Variants in CD99 observed in about 807,000 individuals in gnomAD.
CD99 encodes the protein CD99 antigen.
A neutral mutation model predicts 28.4 loss-of-function variants in CD99; 19 were observed. The ratio of observed to expected loss-of-function variants is 0.67; its 90% CI spans 0.47 to 0.98. The LOEUF (loss-of-function observed/expected upper bound fraction) is 0.98, where lower values mean the gene tolerates loss of function less well. Among genes scored for constraint, CD99 ranks in the 50% least tolerant of loss-of-function variants. The pLI is 0.00. For missense variants in CD99, 283 were observed against 248.8 expected, an observed-to-expected ratio of 1.14 and a Z score of -0.92; for synonymous variants, 103 against 92.1, an observed-to-expected ratio of 1.12 and a Z score of -0.67.
At chrX:2,721,859 C>G (rs2049007244) in intron 5 of CD99, among the ~76,000 whole-genome samples, 1 of 152,132 alleles carries the variant, frequency 6.6e-6, no homozygotes, top group Admixed American at 6.6e-5. Flanking sequence ...CAAAGCAAAT[C>G]TGAGTCAACT....
intron 1 of CD99, chrX:2,691,722 G>C (rs1174689139): frequency 8.4e-6 from 6 of 712,394 alleles, no homozygotes; most frequent in Non-Finnish European, 1.0e-5. Flanking sequence ...CCAATCTAGG[G>C]GACCTTCTTA....
Position 2,741,014 on chromosome X carries a change from C to G in CD99, c.*210C>G, listed in dbSNP as rs2050165111. ...TTTTACATCCAAAGGGGGATAGGCA[C>G]TTGGACCCCCATTCTCCAAGGCCCG... is the stretch of plus-strand genomic sequence containing the variant. On this transcript the variant is annotated 3_prime_UTR_variant, in exon 10 of 10. Transcript: ENST00000381192. The G allele has an allele frequency of 1.6e-6, 1 of 621,126 alleles. No individual in the cohort carries two copies. The highest frequency in any genetic ancestry group is 2.9e-6 in the Non-Finnish European group (1 of 347,012). 38.5% of individuals were successfully genotyped at this position (621,126 alleles called of 1,614,324 possible). A position where few individuals can be genotyped will look rare whatever the true frequency, so the allele number is the denominator to read the frequency against.
chrX:2,707,882 G>A (rs1312489770), intron 1 of CD99, among the ~76,000 whole-genome samples: 1 of 152,124 alleles, frequency 6.6e-6, no homozygotes, highest in Admixed American at 6.5e-5. Context: ...GGCAAGTGGG[G>A]GTGTCTGCTG....
chrX:2,730,217 G>A (rs1263792066), intron 8 of CD99, among the ~76,000 whole-genome samples: 1 of 151,208 alleles, frequency 6.6e-6, no homozygotes, highest in African/African-American at 2.4e-5. Flanking sequence ...CTGTCACCCA[G>A]GCTGGAGTGC....
At chrX:2,711,202 C>T (rs1448776589) in intron 1 of CD99, among the ~76,000 whole-genome samples, 2 of 147,900 alleles carry the variant, frequency 1.4e-5, no homozygotes, top group Non-Finnish European at 3.0e-5. Flanking sequence ...TCAGGGTATT[C>T]CCAGCAAGTC....
chrX:2,695,726 C>A (rs769966856), intron 1 of CD99, among the ~76,000 whole-genome samples: 1 of 151,838 alleles, frequency 6.6e-6, no homozygotes, highest in East Asian at 1.9e-4. Flanking sequence ...CTGTGTCTCC[C>A]GGGCTCAGGC....
chrX:2,727,131 C>G (rs147379091), intron 8 of CD99, among the ~76,000 whole-genome samples: 1 of 152,044 alleles, frequency 6.6e-6, no homozygotes, highest in Non-Finnish European at 1.5e-5. Context: ...AGTGAGACTC[C>G]GTCTCAAAAA....
intron 1 of CD99, among the ~76,000 whole-genome samples, chrX:2,700,996 T>C (rs912376627): frequency 3.5e-5 from 5 of 143,654 alleles, no homozygotes; most frequent in African/African-American, 1.0e-4. Context: ...TACCCATCCA[T>C]CCACTTATCC....
intron 7 of CD99, 22 bp downstream of exon 7, chrX:2,723,386 C>A (rs1187521500): frequency 4.3e-6 from 7 of 1,613,324 alleles, no homozygotes; most frequent in South Asian, 1.1e-5. Flanking sequence ...TGGCTTCTGT[C>A]TTCTTGTCTC....
intron 1 of CD99, among the ~76,000 whole-genome samples, chrX:2,703,625 TGTGTGTG>T (rs2047982739): frequency 1.4e-5 from 2 of 147,886 alleles, no homozygotes; most frequent in African/African-American, 5.2e-5. Context: ...TGTGTGTGTG[TGTGTGTG>T]TGTGTGTGTG....
intron 8 of CD99, chrX:2,733,189 A>G: frequency 4.8e-6 from 1 of 209,428 alleles, no homozygotes; most frequent in Non-Finnish European, 8.2e-6. Context: ...TTTGGTTTCC[A>G]CTTCCCACTC....
rs2049280464 is a variant in CD99, at chrX:2,726,322, A to G, written c.424A>G (p.Ile142Val). The G allele has an allele frequency of 6.2e-7, 1 of 1,612,216 alleles. No homozygotes were observed. Among genetic ancestry groups the G allele is most frequent in the East Asian group, 2.2e-5 (1 of 44,878 alleles). ...GAVVVAVAGA[I>V]SSFIAYQKKK... ...TGTCGTGGTCGCCGTGGCTGGAGCC[A>G]TCTCTAGCTTCATTGCTTACCAGAA... The change falls in exon 8 of 10, where the codon ATC becomes GTC. Residue 142 changes from isoleucine (I) to valine (V), a missense_variant. By Grantham distance (29) the Ile-to-Val change is conservative. Transcript: ENST00000381192.
chrX:2,713,609 G>A (rs897830664), intron 1 of CD99, among the ~76,000 whole-genome samples: 4 of 152,188 alleles, frequency 2.6e-5, no homozygotes, highest in Non-Finnish European at 4.4e-5. Context: ...TAGCCTGGTC[G>A]TTTGCACCTG....
intron 1 of CD99, among the ~76,000 whole-genome samples, chrX:2,697,360 A>C (rs1445328015): frequency 6.6e-6 from 1 of 152,190 alleles, no homozygotes; most frequent in Admixed American, 6.5e-5. Flanking sequence ...CTGTTGCTCC[A>C]AAGCGCTGTT....
At chrX:2,726,582 A>G in intron 8 of CD99, 2 of 673,670 alleles carry the variant, frequency 3.0e-6, no homozygotes, top group Non-Finnish European at 5.5e-6. Flanking sequence ...GAAAGTTTAC[A>G]AGTTCCCCAC....
Position 2,719,661 on chromosome X carries a change from G to T in CD99, c.149G>T (p.Gly50Val). Residue 50 changes from glycine to valine, a missense_variant and splice_region_variant, in exon 4 of 10, where the codon GGG becomes GTG. Coordinates refer to ENST00000381192, the MANE Select transcript of CD99 (RefSeq NM_002414.5). ...TTAACTGCTCTTTCCCCTCTTTTAGGGGATGACTTTGACTTAGGAGATGCT... is the reference window on the plus strand; with the variant it reads ...TTAACTGCTCTTTCCCCTCTTTTAGTGGATGACTTTGACTTAGGAGATGCT... ...PTAIPKKPSA[G>V]DDFDLGDAVV... 6.2e-7 allele frequency: 1 copy of T among 1,613,738 alleles called. No homozygotes were observed. Among genetic ancestry groups the T allele is most frequent in the Non-Finnish European group, 8.5e-7 (1 of 1,179,752 alleles).
chrX:2,701,734 G>A lies in CD99; in HGVS notation c.67+10307G>A, dbSNP rs562051320. ...AGATTTAAGCTCCCCTGAAGGGTTT[G>A]ACGCAGACAGCTGTGCGGGGACGCT... On this transcript the variant is annotated intron_variant, in intron 1 of 9. Coordinates refer to ENST00000381192, the MANE Select transcript of CD99 (RefSeq NM_002414.5). Among the ~76,000 whole-genome samples the A allele has an allele frequency of 5.3e-5, 8 of 152,368 alleles. No individual in the cohort carries two copies. In the South Asian group the frequency reaches 1.7e-3, roughly 32 times the overall value.
chrX:2,702,513 G>C (rs1198931871), intron 1 of CD99, among the ~76,000 whole-genome samples: 4 of 152,186 alleles, frequency 2.6e-5, no homozygotes, highest in Non-Finnish European at 5.9e-5. Flanking sequence ...CAGTGATTCT[G>C]TATTTGTGAC....
intron 2 of CD99, among the ~76,000 whole-genome samples, chrX:2,715,940 A>G (rs2048686605): frequency 6.6e-6 from 1 of 152,062 alleles, no homozygotes; most frequent in South Asian, 2.1e-4. Context: ...CCTGTTTCCA[A>G]GTAAGATCAC....
Sources: allele counts gnomAD v4.1 joint callset (sites outside exome capture counted in the v4.1 genomes callset), GRCh38; gene constraint gnomAD v4.1.1; transcripts MANE v1.5; gene names NCBI Gene and HGNC (gene_info 2026-07-23, HGNC 2026-07-21).